Variants in RECQL5 observed in about 807,000 individuals in gnomAD.
The protein encoded by RECQL5 is ATP-dependent DNA helicase Q5.
A neutral mutation model predicts 103.4 loss-of-function variants in RECQL5; 88 were observed. The ratio of observed to expected loss-of-function variants is 0.85; its 90% CI spans 0.72 to 1.02. The LOEUF (loss-of-function observed/expected upper bound fraction) is 1.02, where lower values mean the gene tolerates loss of function less well. RECQL5 is among the 50% of genes least tolerant of loss of function. The pLI is 0.00. For synonymous variants in RECQL5, 552 were observed against 507.9 expected (o/e 1.09, Z -1.17); for missense variants, 1,232 against 1,284.3 (o/e 0.96, Z 0.62).
chr17:75,648,910 C>T (rs1359539216), intron 8 of RECQL5: 2 of 150,950 alleles, frequency 1.3e-5, no homozygotes, highest in African/African-American at 2.4e-5. Flanking sequence ...CCAGGCTGGT[C>T]TTGAACTCCC....
At chr17:75,652,792 C>T (rs748435840) in intron 7 of RECQL5, among the ~76,000 whole-genome samples, 84 of 152,282 alleles carry the variant, frequency 5.5e-4, no homozygotes, top group Non-Finnish European at 1.1e-3. Flanking sequence ...TGTCCCCCAC[C>T]CCACTTCCCT....
Position 75,640,752 on chromosome 17 carries a change from C to G in RECQL5, c.1230-9084G>C. 1 of 1,539,920 alleles carries G rather than the reference C, an allele frequency of 6.5e-7. No homozygotes were observed. The highest frequency in any genetic ancestry group is 8.8e-7 in the Non-Finnish European group (1 of 1,139,716). ...GGAGGAGGGTGGGCATCCTTTCTCT[C>G]CCCCAACCTGAGTCCCGTGCTCTCT... On this transcript the variant is annotated intron_variant, in intron 8 of 19. Transcript: ENST00000317905. This position sits in a 1 kb window ranked among gnomAD's most constrained non-coding sequence, Gnocchi z 4.6.
chr17:75,631,494 G>C lies in RECQL5; in HGVS notation c.1404C>G (p.Pro468=), dbSNP rs776501213. 2.5e-6 allele frequency: 4 copies of C among 1,613,236 alleles called. No homozygotes were observed. Among genetic ancestry groups the C allele is most frequent in the Non-Finnish European group, 1.7e-6 (2 of 1,179,960 alleles). Residue 468 remains proline (P), a synonymous_variant, in exon 9 of 20, where the codon CCC becomes CCG. Coordinates refer to ENST00000317905, the MANE Select transcript of RECQL5 (RefSeq NM_004259.7). The stretch of plus-strand genomic sequence containing the variant: ...CCTTGCGGCCTCCCTCATACAGCTC[G>C]GGGTCAAAGCCGTTCCCCTGGGAGG... ...IGPSQGNGFD[P]ELYEGGRKGY...
At position 75,629,492 on chromosome 17, in the gene RECQL5, G is replaced by C. The variant is rs1280663894; in HGVS notation, c.1948-17C>G. On this transcript the variant is annotated splice_polypyrimidine_tract_variant and intron_variant, in intron 15 of 19. Transcript: ENST00000317905. ...GGGTTTGAGCTGTAAATGTGAGCAG[G>C]AGGAGAGGAGGTTCAGCCCACTAGG... is the stretch of plus-strand genomic sequence containing the variant. 5 of 1,501,588 alleles carry C rather than the reference G, an allele frequency of 3.3e-6. No homozygotes were observed. The highest frequency in any genetic ancestry group is 1.4e-5 in the African/African-American group (1 of 71,444). The allele number at this position is 1,501,588 out of a possible 1,614,324, so 93.0% of individuals were successfully genotyped here.
chr17:75,666,177 G>A (rs779283805), intron 2 of RECQL5, among the ~76,000 whole-genome samples: 2 of 152,132 alleles, frequency 1.3e-5, no homozygotes, highest in African/African-American at 2.4e-5. Context: ...TGTAATCCCA[G>A]CACCTTGGGA....
intron 2 of RECQL5, among the ~76,000 whole-genome samples, chr17:75,665,499 G>C (rs1407539509): frequency 6.6e-6 from 1 of 152,086 alleles, no homozygotes; most frequent in East Asian, 1.9e-4. Context: ...AGACCAGCCT[G>C]GCCAACATGG....
At chr17:75,633,872 A>AGAGGAGGAGGAAG (rs1446253699) in intron 8 of RECQL5, 2 of 993,794 alleles carry the variant, frequency 2.0e-6, no homozygotes, top group African/African-American at 3.5e-5. Flanking sequence ...GGGGAGAGGG[A>AGAGGAGGAGGAAG]GAGGAGGAGG....
At position 75,640,844 on chromosome 17, in the gene RECQL5, T is replaced by C; in HGVS notation, c.1230-9176A>G. On this transcript the variant is annotated intron_variant, in intron 8 of 19. Transcript: ENST00000317905. This position sits in a 1 kb window ranked among gnomAD's most constrained non-coding sequence, Gnocchi z 4.6. ...CTGCAGCTGCTGCTGCACTCACTGC[T>C]GCTGCCCTGAGCGGAGAGGCAGGAA... The C allele has an allele frequency of 6.5e-7, 1 of 1,549,572 alleles. No individual in the cohort carries two copies. Among genetic ancestry groups the C allele is most frequent in the Non-Finnish European group, 8.7e-7 (1 of 1,146,938 alleles).
chr17:75,644,982 C>T (rs1490137989), intron 8 of RECQL5, among the ~76,000 whole-genome samples: 3 of 152,214 alleles, frequency 2.0e-5, no homozygotes, highest in African/African-American at 7.2e-5. Context: ...TTTCCTTGGC[C>T]GGCCTTCCTG....
At chr17:75,635,666 A>C in intron 8 of RECQL5, 2 of 474,906 alleles carry the variant, frequency 4.2e-6, no homozygotes, top group Non-Finnish European at 5.5e-6. Context: ...CAAATCTCCC[A>C]CAAGTGTCAG....
At chr17:75,635,024 G>A (rs1369482607) in intron 8 of RECQL5, among the ~76,000 whole-genome samples, 6 of 152,166 alleles carry the variant, frequency 3.9e-5, no homozygotes, top group Non-Finnish European at 8.8e-5. Flanking sequence ...CGTGAGCCGA[G>A]GCTGCCTACT....
intron 8 of RECQL5, chr17:75,635,933 G>A (rs575069630): frequency 2.4e-5 from 21 of 878,736 alleles, no homozygotes; most frequent in African/African-American, 7.3e-5. Flanking sequence ...TCTGGCCTGC[G>A]GGATGCCTGC....
chr17:75,632,437 A>C (rs1434893983), intron 8 of RECQL5, among the ~76,000 whole-genome samples: 1 of 152,236 alleles, frequency 6.6e-6, no homozygotes, highest in East Asian at 1.9e-4. Context: ...ATGACAAGTT[A>C]AATTTCTCAA....
In RECQL5 at chr17:75,652,024, C is replaced by T. The variant is rs779198356; in HGVS notation, c.1150-759G>A. On this transcript the variant is annotated intron_variant, in intron 7 of 19. Coordinates refer to ENST00000317905, the MANE Select transcript of RECQL5 (RefSeq NM_004259.7). ...GGCGGATCACCTGGGGTCAAGAGTTCGAGACCGGCCTTGCCAACATGTTGA... is the reference window on the plus strand; with the variant it reads ...GGCGGATCACCTGGGGTCAAGAGTTTGAGACCGGCCTTGCCAACATGTTGA... Among the ~76,000 whole-genome samples the T allele has an allele frequency of 3.9e-5, 6 of 152,014 alleles. No homozygotes were observed. In the East Asian group the frequency reaches 5.8e-4, roughly 15 times the overall value.
At chr17:75,647,677 C>T in intron 8 of RECQL5, 1 of 1,018,388 alleles carries the variant, frequency 9.8e-7, no homozygotes, top group Non-Finnish European at 1.4e-6. Flanking sequence ...GCCCTGGTGT[C>T]TTCCTTTCCC....
At chr17:75,630,511 A>G (rs1303374442) in intron 13 of RECQL5, 108 bp downstream of exon 13, 1 of 1,202,352 alleles carries the variant, frequency 8.3e-7, no homozygotes, top group African/African-American at 1.5e-5. Context: ...TAGGAGAGGT[A>G]CAATCTGGGG....
chr17:75,652,890 C>T (rs2059572984), intron 7 of RECQL5, among the ~76,000 whole-genome samples: 1 of 152,200 alleles, frequency 6.6e-6, no homozygotes, highest in Non-Finnish European at 1.5e-5. Context: ...CCCCAAAGCC[C>T]CTCTCACAAA....
rs1433140032 is a variant in RECQL5 at position 75,662,566 on chromosome 17, A to G, written c.684T>C (p.Asp228=). 1.9e-6 allele frequency: 3 copies of G among 1,614,058 alleles called. No individual in the cohort carries two copies. The highest frequency in any genetic ancestry group is 1.3e-5 in the African/African-American group (1 of 74,926). ...CAGAAATCAGTTCCTTGAATTGCACATCATAGAAGAGGTTGGCCCGGAAGC... is the reference window on the plus strand; with the variant it reads ...CAGAAATCAGTTCCTTGAATTGCACGTCATAGAAGAGGTTGGCCCGGAAGC... ...TPCFRANLFY[D]VQFKELISDP... is the part of the protein sequence containing the mutation. Residue 228 remains aspartate (D), a synonymous_variant, in exon 4 of 20, where the codon GAT becomes GAC. Coordinates refer to ENST00000317905, the MANE Select transcript of RECQL5 (RefSeq NM_004259.7).
Position 75,662,808 on chromosome 17 carries a change from G to C in RECQL5, c.442C>G (p.Arg148Gly). The change falls in exon 4 of 20, where the codon CGC becomes GGC. Residue 148 changes from arginine (R) to glycine (G), a missense_variant. By Grantham distance (125) the Arg-to-Gly change is moderately radical. Transcript: ENST00000317905. The part of the protein sequence containing the change: ...FQPTLNSLVS[R>G]HLLSYLVVDE... ...ACCACCAAGTAAGACAGCAGGTGGC[G>C]GGACACCAGGGAGTTCAGGGTGGGC... 3.1e-6 allele frequency: 5 copies of C among 1,614,128 alleles called. No homozygotes were observed. Among genetic ancestry groups the C allele is most frequent in the Non-Finnish European group, 4.2e-6 (5 of 1,180,028 alleles).
Sources: gnomAD v4.1 joint callset for allele counts (sites outside exome capture counted in the v4.1 genomes callset) on GRCh38, gnomAD v4.1.1 for gene constraint, Gnocchi (gnomAD v3.1) non-coding constraint, MANE v1.5 for transcripts, NCBI Gene and HGNC (gene_info 2026-07-23, HGNC 2026-07-21) for gene names.